Variants in TERB2 observed in about 807,000 individuals in gnomAD.
TERB2 encodes telomere repeats-binding bouquet formation protein 2.
TERB2 carries 26 observed loss-of-function variants against 29.8 expected under a neutral mutation model. That is an observed-to-expected ratio of 0.87 (90% CI 0.64 to 1.21). The LOEUF (loss-of-function observed/expected upper bound fraction) is 1.21. TERB2 is among the 50% of genes most tolerant of loss of function. The pLI is 0.00. For missense variants in TERB2, 240 were observed against 268.6 expected (o/e 0.89, Z 0.74); for synonymous variants, 80 against 90.8 (o/e 0.88, Z 0.68).
In TERB2 at chr15:44,978,815, C is replaced by G; in HGVS notation, c.*187C>G. 2 of 686,876 alleles carry G rather than the reference C, an allele frequency of 2.9e-6. No individual in the cohort carries two copies. The highest frequency in any genetic ancestry group is 4.1e-6 in the Non-Finnish European group (2 of 489,996). 42.5% of individuals were successfully genotyped at this position (686,876 alleles called of 1,614,324 possible). A position where few individuals can be genotyped will look rare whatever the true frequency, so the allele number is the denominator to read the frequency against. On this transcript the variant is annotated 3_prime_UTR_variant, in exon 7 of 7. Transcript: ENST00000340827. The stretch of plus-strand genomic sequence containing the variant: ...CTGTGTTTTGACATTTTTCCCCTAG[C>G]TTTTAACAACATGTTCAAATATTCT...
At chr15:44,967,595 C>T (rs564742835) in intron 5 of TERB2, among the ~76,000 whole-genome samples, 1 of 152,230 alleles carries the variant, frequency 6.6e-6, no homozygotes, top group African/African-American at 2.4e-5. Flanking sequence ...TTTTGAGCAG[C>T]AACCTAGATA....
chr15:44,962,938 G>A (rs1273858498), intron 4 of TERB2: 1 of 152,144 alleles, frequency 6.6e-6, no homozygotes. Flanking sequence ...ACGTGTATAT[G>A]ATACTCCAAA....
chr15:44,977,227 C>G (rs1051150512), intron 6 of TERB2, among the ~76,000 whole-genome samples: 1 of 152,082 alleles, frequency 6.6e-6, no homozygotes, highest in Admixed American at 6.6e-5. Context: ...TCGGATGATA[C>G]GGCAATGTCC....
At chr15:44,957,077 G>T (rs1238557657) in intron 2 of TERB2, 100 bp downstream of exon 2, 4 of 1,243,542 alleles carry the variant, frequency 3.2e-6, no homozygotes, top group African/African-American at 3.0e-5. Context: ...GGCTGGGCGC[G>T]GTGGCGGACA....
chr15:44,963,818 T>C (rs1266990156), intron 4 of TERB2, among the ~76,000 whole-genome samples: 1 of 143,432 alleles, frequency 7.0e-6, no homozygotes, highest in East Asian at 2.0e-4. Flanking sequence ...TTTTTTTTTT[T>C]TTTTTTTTTT....
chr15:44,971,949 T>C (rs1319341781), intron 5 of TERB2, among the ~76,000 whole-genome samples: 1 of 151,146 alleles, frequency 6.6e-6, no homozygotes. Context: ...ATGAGTAGAG[T>C]TTCTTTTGGG....
chr15:44,972,977 G>A (rs1190407829), intron 5 of TERB2, among the ~76,000 whole-genome samples: 1 of 150,820 alleles, frequency 6.6e-6, no homozygotes, highest in South Asian at 2.1e-4. Context: ...CTGCCTCCTG[G>A]GTTCAAGCAA....
intron 5 of TERB2, among the ~76,000 whole-genome samples, chr15:44,968,584 C>CT (rs34188520): frequency 0.022 from 2,189 of 98,510 alleles, 189 homozygotes; most frequent in African/African-American, 0.034. Context: ...TTTGTTTAAC[C>CT]TTTTTTTTTT....
intron 6 of TERB2, among the ~76,000 whole-genome samples, chr15:44,975,542 A>G (rs1892033486): frequency 1.3e-5 from 2 of 152,140 alleles, no homozygotes; most frequent in African/African-American, 4.8e-5. Flanking sequence ...AGTTATAGAA[A>G]ATACAAGTTG....
At chr15:44,958,872 G>C (rs1002208435) in intron 3 of TERB2, among the ~76,000 whole-genome samples, 1 of 152,136 alleles carries the variant, frequency 6.6e-6, no homozygotes, top group Non-Finnish European at 1.5e-5. Flanking sequence ...TTCTGAAGTT[G>C]TTTTGAGGAT....
intron 5 of TERB2, among the ~76,000 whole-genome samples, chr15:44,967,401 A>G (rs1891907510): frequency 6.6e-6 from 1 of 152,256 alleles, no homozygotes; most frequent in African/African-American, 2.4e-5. Context: ...AAGAACCACT[A>G]GCTAGAGTAA....
At chr15:44,976,605 A>C (rs551929083) in intron 6 of TERB2, among the ~76,000 whole-genome samples, 232 of 152,292 alleles carry the variant, frequency 1.5e-3, no homozygotes, top group Non-Finnish European at 2.0e-3. Context: ...ACAGATCAAA[A>C]CAAGTACAAA....
At chr15:44,974,324 T>C (rs771885600) in intron 6 of TERB2, among the ~76,000 whole-genome samples, 7 of 152,180 alleles carry the variant, frequency 4.6e-5, no homozygotes, top group Non-Finnish European at 7.3e-5. Context: ...TGATGAAACA[T>C]AGGCCCCTTT....
rs933830790 is a variant in TERB2, at chr15:44,958,361, T to C, written c.147-12T>C. ...CTTTCATAACCTAAAATATTTCCTT[T>C]CTTTCTCCTAGAATATATCAGAGCC... On this transcript the variant is annotated splice_polypyrimidine_tract_variant and intron_variant, in intron 2 of 6. Coordinates refer to ENST00000340827, the MANE Select transcript of TERB2 (RefSeq NM_152448.3). 4.4e-6 allele frequency: 7 copies of C among 1,585,678 alleles called. No individual in the cohort carries two copies. Among genetic ancestry groups the C allele is most frequent in the Admixed American group, 1.9e-5 (1 of 51,992 alleles).
intron 5 of TERB2, chr15:44,973,571 C>T (rs1235149263): frequency 6.5e-6 from 1 of 152,880 alleles, no homozygotes; most frequent in Non-Finnish European, 1.5e-5. Context: ...CTCACTTTGA[C>T]AGCACATATA....
In TERB2 at chr15:44,956,813, G is replaced by C. The variant is rs746829528; in HGVS notation, c.64+31G>C. On this transcript the variant is annotated intron_variant, in intron 1 of 6. Transcript: ENST00000340827. Reference sequence around the variant, plus strand: ...AAGCTGAGTGGAAGCAGCGGGTTAGGTGGTGAGGGGAGCATCCTCCTCTCT... The same window carrying C: ...AAGCTGAGTGGAAGCAGCGGGTTAGCTGGTGAGGGGAGCATCCTCCTCTCT... The C allele has an allele frequency of 6.8e-6, 11 of 1,612,782 alleles. No homozygotes were observed. The East Asian group carries it at 2.2e-4, about 33-fold the overall frequency.
chr15:44,973,769 A>T, intron 5 of TERB2, 98 bp from the exon 6 acceptor site: 1 of 839,440 alleles, frequency 1.2e-6, no homozygotes, highest in Non-Finnish European at 1.5e-6. Flanking sequence ...ATTATGTATT[A>T]TAAATATTTA....
At chr15:44,965,162 CAAAAA>C (rs66756472) in intron 4 of TERB2, among the ~76,000 whole-genome samples, 2 of 48,810 alleles carry the variant, frequency 4.1e-5, no homozygotes, top group Non-Finnish European at 6.6e-5. Context: ...GACTCTGTCT[CAAAAA>C]AAAAAAAAAA....
intron 2 of TERB2, among the ~76,000 whole-genome samples, chr15:44,957,992 TG>T (rs1371838664): frequency 2.2e-4 from 33 of 152,312 alleles, no homozygotes; most frequent in African/African-American, 7.9e-4. Flanking sequence ...GCTTTCTATA[TG>T]TGAAGCTTTC....
Sources: allele counts gnomAD v4.1 joint callset (sites outside exome capture counted in the v4.1 genomes callset), GRCh38; gene constraint gnomAD v4.1.1; transcripts MANE v1.5; gene names NCBI Gene and HGNC (gene_info 2026-07-23, HGNC 2026-07-21).